ANO9: variants seen among roughly 807,000 people sequenced by gnomAD.
ANO9 encodes the protein anoctamin 9.
In ANO9, 80 loss-of-function variants were observed where a neutral mutation model predicts 100.5. The observed-to-expected ratio is 0.80, with a 90% CI of 0.66 to 0.96. ANO9 has a LOEUF of 0.96. ANO9 is among the 40% of genes least tolerant of loss of function. The pLI is 0.00. For synonymous variants in ANO9, 473 were observed against 435.6 expected (o/e 1.09, Z -1.07); for missense variants, 1,064 against 1,072.7 (o/e 0.99, Z 0.11).
In ANO9 at chr11:429,593, G is replaced by C. The variant is rs1190066494; in HGVS notation, c.892C>G (p.Leu298Val). The change falls in exon 11 of 23, where the codon CTG becomes GTG. Residue 298 changes from leucine to valine, a missense_variant. Physicochemically the swap from Leu to Val is conservative, Grantham distance 32. Transcript: ENST00000332826. The stretch of plus-strand genomic sequence containing the variant: ...ACCTGTTCCTCGTCCCACACGTACA[G>C]GTCCCAGTGCAGGACCACGCGGGCG... ...QRARVVLHWD[L>V]YVWDEEQEEM... is the part of the protein sequence containing the mutation. 2 of 1,612,490 alleles carry C rather than the reference G, an allele frequency of 1.2e-6. No homozygotes were observed. Among genetic ancestry groups the C allele is most frequent in the African/African-American group, 2.7e-5 (2 of 74,936 alleles).
intron 3 of ANO9, 54 bp downstream of exon 3, chr11:433,761 G>A (rs928323884): frequency 3.6e-5 from 54 of 1,516,108 alleles, no homozygotes; most frequent in South Asian, 1.0e-4. Context: ...CCTGCCCCTC[G>A]CTGGACACCC....
At chr11:435,560 TC>T in intron 1 of ANO9, among the ~76,000 whole-genome samples, 3 of 135,152 alleles carry the variant, frequency 2.2e-5, no homozygotes, top group Non-Finnish European at 3.3e-5. Context: ...TCTAGTCTAG[TC>T]TAGTCTAGTA....
rs1312458399 is a variant in ANO9 at position 430,372 on chromosome 11, A to G, written c.571T>C (p.Phe191Leu). ...TAGGTGTACCAGCCCAGCCAGACGA[A>G]GTACAGGGCCACCTTTTCCCCAAAG... ...NYFGEKVALY[F>L]VWLGWYTYML... is the part of the protein sequence containing the mutation. The change falls in exon 8 of 23, where the codon TTC becomes CTC. Residue 191 changes from phenylalanine to leucine, a missense_variant. By Grantham distance (22) the Phe-to-Leu change is conservative. Transcript: ENST00000332826. 1 of 1,601,448 alleles carries G rather than the reference A, an allele frequency of 6.2e-7. No individual in the cohort carries two copies. The highest frequency in any genetic ancestry group is 8.5e-7 in the Non-Finnish European group (1 of 1,175,284).
chr11:433,376 C>G lies in ANO9; in HGVS notation c.288G>C (p.Glu96Asp). Residue 96 changes from glutamate to aspartate, a missense_variant, in exon 4 of 23, where the codon GAG becomes GAC. Coordinates refer to ENST00000332826, the MANE Select transcript of ANO9 (RefSeq NM_001012302.3). ...CGGCGTGGGGGGCAGGCCCCTCAGG[C>G]TCCAGGAGGAGAGTGCGGTACAGGC... ...VFGLYRTLLL[E>D]PEGPAPHAEL... is the part of the protein sequence containing the mutation. 1 of 1,613,128 alleles carries G rather than the reference C, an allele frequency of 6.2e-7. No individual in the cohort carries two copies. The highest frequency in any genetic ancestry group is 1.7e-5 in the Admixed American group (1 of 59,988).
At chr11:419,521 AG>A in intron 20 of ANO9, 60 bp downstream of exon 20, 2 of 1,588,602 alleles carry the variant, frequency 1.3e-6, no homozygotes, top group African/African-American at 1.3e-5. Context: ...TGGATCCCCC[AG>A]GGCTTGGCTG....
At chr11:435,006 G>T (rs1849337114) in intron 1 of ANO9, among the ~76,000 whole-genome samples, 1 of 152,156 alleles carries the variant, frequency 6.6e-6, no homozygotes, top group Non-Finnish European at 1.5e-5. Flanking sequence ...GAGCCAGTTG[G>T]CCCTTGAGGG....
chr11:437,742 G>T (rs2133718359), intron 1 of ANO9, among the ~76,000 whole-genome samples: 2 of 152,372 alleles, frequency 1.3e-5, no homozygotes, highest in South Asian at 4.1e-4. Flanking sequence ...CTCCAGCTCT[G>T]CAGCTTGCCT....
intron 1 of ANO9, 112 bp from the exon 2 acceptor site, chr11:434,210 A>C: frequency 8.0e-7 from 1 of 1,254,406 alleles, no homozygotes; most frequent in Non-Finnish European, 1.1e-6. Context: ...CCCTCCCCAC[A>C]AGGAGAACAG....
intron 7 of ANO9, 31 bp from the exon 8 acceptor site, chr11:430,434 CA>C: frequency 1.7e-6 from 2 of 1,208,562 alleles, no homozygotes; most frequent in South Asian, 1.4e-5. Context: ...GGCCAGCTGT[CA>C]GGGGGCGGTG....
At chr11:423,922 C>CA in intron 15 of ANO9, among the ~76,000 whole-genome samples, 1 of 150,844 alleles carries the variant, frequency 6.6e-6, no homozygotes, top group African/African-American at 2.5e-5. Flanking sequence ...CACACACACA[C>CA]ATTTGAGATG....
rs774306022 is a variant in ANO9, at chr11:428,706, G to T, written c.1020+16C>A. ...CAGCCCGGGTCTCCAGCCCCACCGC[G>T]GTGTCCCCTGCGTACCATGAGCAGG... On this transcript the variant is annotated intron_variant, in intron 12 of 22. Coordinates refer to ENST00000332826, the MANE Select transcript of ANO9 (RefSeq NM_001012302.3). 2 of 1,612,876 alleles carry T rather than the reference G, an allele frequency of 1.2e-6. No individual in the cohort carries two copies. The highest frequency in any genetic ancestry group is 1.7e-6 in the Non-Finnish European group (2 of 1,179,898).
At chr11:420,399 A>G in intron 19 of ANO9, 64 bp downstream of exon 19, 2 of 1,574,326 alleles carry the variant, frequency 1.3e-6, no homozygotes, top group Non-Finnish European at 1.7e-6. Context: ...CGGCCTGGCC[A>G]GCGGGAAGCC....
At chr11:419,161 G>C (rs879371244) in intron 20 of ANO9, 172 bp from the exon 21 acceptor site, 2 of 1,443,588 alleles carry the variant, frequency 1.4e-6, no homozygotes, top group Admixed American at 5.4e-5. Flanking sequence ...ACATCCGGGG[G>C]CCTTGTGGGG....
At chr11:420,904 G>C (rs1296317896) in intron 17 of ANO9, 41 bp downstream of exon 17, 2 of 1,595,046 alleles carry the variant, frequency 1.3e-6, no homozygotes, top group Non-Finnish European at 1.7e-6. Flanking sequence ...GGGGGCGGAG[G>C]GGCCTGGGGC....
chr11:425,274 G>GAC, intron 15 of ANO9, among the ~76,000 whole-genome samples: 1 of 6,310 alleles, frequency 1.6e-4, no homozygotes, highest in Non-Finnish European at 3.5e-4. Flanking sequence ...AGGCGGCGTG[G>GAC]AGAGACGGGA....
At chr11:438,237 C>T (rs1022114129) in intron 1 of ANO9, among the ~76,000 whole-genome samples, 5 of 151,894 alleles carry the variant, frequency 3.3e-5, no homozygotes, top group African/African-American at 4.8e-5. Flanking sequence ...CAGAGCTACA[C>T]GCACACCTGG....
chr11:439,065 G>A (rs561246583), intron 1 of ANO9, among the ~76,000 whole-genome samples: 70 of 152,218 alleles, frequency 4.6e-4, no homozygotes, highest in Non-Finnish European at 2.4e-4. Flanking sequence ...CAGTTTCCTC[G>A]TCTGTACAAC....
In ANO9 at chr11:433,342, C is replaced by T. The variant is rs750658238; in HGVS notation, c.322G>A (p.Ala108Thr). The change falls in exon 4 of 23, where the codon GCG becomes ACG. Residue 108 changes from alanine to threonine, a missense_variant. Coordinates refer to ENST00000332826, the MANE Select transcript of ANO9 (RefSeq NM_001012302.3). ...EGPAPHAELAAPTTIPVTTSL... is the reference protein window; with the variant it reads ...EGPAPHAELATPTTIPVTTSL... ...GTGGTGACCGGGATGGTGGTCGGCG[C>T]GGCCAGCTCGGCGTGGGGGGCAGGC... The T allele has an allele frequency of 1.2e-5, 19 of 1,612,670 alleles. No homozygotes were observed. Among genetic ancestry groups the T allele is most frequent in the African/African-American group, 9.3e-5 (7 of 74,894 alleles).
At chr11:439,146 A>G (rs1444324680) in intron 1 of ANO9, among the ~76,000 whole-genome samples, 1 of 152,172 alleles carries the variant, frequency 6.6e-6, no homozygotes, top group African/African-American at 2.4e-5. Flanking sequence ...GGACAGAACC[A>G]CACACTGTTC....
Sources: allele counts gnomAD v4.1 joint callset (sites outside exome capture counted in the v4.1 genomes callset), GRCh38; gene constraint gnomAD v4.1.1; transcripts MANE v1.5; gene names NCBI Gene and HGNC (gene_info 2026-07-23, HGNC 2026-07-21).